The following RYR3 variants were observed in gnomAD, a reference collection of about 807,000 sequenced individuals.
RYR3 encodes the protein ryanodine receptor 3, also known as brain ryanodine receptor-calcium release channel.
In RYR3, 207 loss-of-function variants were observed where a neutral mutation model predicts 584.3. The ratio of observed to expected loss-of-function variants is 0.35; its 90% CI spans 0.32 to 0.40. The LOEUF (loss-of-function observed/expected upper bound fraction) is 0.40. Among genes scored for constraint, RYR3 ranks in the 10% least tolerant of loss-of-function variants. The pLI is 1.00. For missense variants in RYR3, 5,616 were observed against 6,089.2 expected (o/e 0.92, Z 2.59); for synonymous variants, 2,416 against 2,248.5 (o/e 1.07, Z -2.11).
At chr15:33,848,171 A>T in intron 93 of RYR3, 120 bp from the exon 94 acceptor site, 3 of 1,269,438 alleles carry the variant, frequency 2.4e-6, no homozygotes, top group Non-Finnish European at 1.1e-6. Context: ...GCACTCTAAG[A>T]ATTCCACTAT....
chr15:33,732,704 G>A (rs918520490), intron 48 of RYR3, among the ~76,000 whole-genome samples: 8 of 152,108 alleles, frequency 5.3e-5, no homozygotes, highest in Non-Finnish European at 7.4e-5. Context: ...GATGAGTTAC[G>A]AAATAAATAT....
At chr15:33,363,192 C>T (rs1335997346) in intron 1 of RYR3, among the ~76,000 whole-genome samples, 1 of 152,134 alleles carries the variant, frequency 6.6e-6, no homozygotes, top group South Asian at 2.1e-4. Context: ...AGGTAGGGTG[C>T]TCTTTTTCTC....
intron 1 of RYR3, among the ~76,000 whole-genome samples, chr15:33,389,762 C>T (rs896147944): frequency 2.6e-5 from 4 of 152,088 alleles, no homozygotes; most frequent in Non-Finnish European, 2.9e-5. Context: ...TGTGTGAAAT[C>T]GTGAATAATT....
intron 42 of RYR3, among the ~76,000 whole-genome samples, chr15:33,702,184 C>T (rs1056265731): frequency 1.3e-5 from 2 of 152,124 alleles, no homozygotes; most frequent in Non-Finnish European, 2.9e-5. Flanking sequence ...GAGCGCTGGG[C>T]TGTGGAGGCA....
At chr15:33,355,739 C>T (rs1051794433) in intron 1 of RYR3, among the ~76,000 whole-genome samples, 1 of 152,188 alleles carries the variant, frequency 6.6e-6, no homozygotes, top group Non-Finnish European at 1.5e-5. Context: ...AAGAAGATGG[C>T]TGCTTCTCAT....
chr15:33,840,680 C>T (rs527769840), intron 89 of RYR3, 145 bp from the exon 90 acceptor site: 1 of 700,988 alleles, frequency 1.4e-6, no homozygotes, highest in Non-Finnish European at 2.5e-6. Flanking sequence ...TATAGCAGGA[C>T]ACTTATGTTC....
At position 33,786,445 on chromosome 15, in the gene RYR3, T is replaced by C. The variant is rs376648755; in HGVS notation, c.9589+463T>C. The stretch of plus-strand genomic sequence containing the variant: ...TTTCACTCTGTGCTTTCTAAGACAC[T>C]GTCTCATGCGGGCTCACGGTAGTGG... On this transcript the variant is annotated intron_variant, in intron 66 of 103. Transcript: ENST00000634891. Among the ~76,000 whole-genome samples the C allele has an allele frequency of 6.6e-5, 10 of 152,234 alleles. No homozygotes were observed. The East Asian group carries it at 1.2e-3, about 18-fold the overall frequency.
chr15:33,331,271 G>T (rs1413076849), intron 1 of RYR3, among the ~76,000 whole-genome samples: 1 of 152,092 alleles, frequency 6.6e-6, no homozygotes, highest in East Asian at 1.9e-4. Context: ...TGTTCTTGAT[G>T]TCTCAGTACT....
At chr15:33,836,808 C>T (rs2078084062) in intron 87 of RYR3, 98 bp from the exon 88 acceptor site, 1 of 864,102 alleles carries the variant, frequency 1.2e-6, no homozygotes, top group South Asian at 1.6e-5. Flanking sequence ...CTGATGCAGC[C>T]TGCACCTAAC....
intron 40 of RYR3, among the ~76,000 whole-genome samples, chr15:33,699,420 GTCCACTCCCT>G (rs955655222): frequency 2.6e-5 from 4 of 151,026 alleles, no homozygotes; most frequent in African/African-American, 9.8e-5. Flanking sequence ...TCTGAATTCT[GTCCACTCCCT>G]TCCTACTTGG....
intron 5 of RYR3, among the ~76,000 whole-genome samples, chr15:33,536,888 A>G (rs1245336752): frequency 6.6e-6 from 1 of 152,198 alleles, no homozygotes; most frequent in Non-Finnish European, 1.5e-5. Context: ...TATTAAAACA[A>G]TGCTTTTTAA....
intron 18 of RYR3, among the ~76,000 whole-genome samples, chr15:33,608,277 G>T (rs2060004997): frequency 6.6e-6 from 1 of 152,166 alleles, no homozygotes; most frequent in Non-Finnish European, 1.5e-5. Context: ...GTGATTCCAA[G>T]GCCCCTCCAA....
chr15:33,602,144 A>G (rs2059694429), intron 17 of RYR3, among the ~76,000 whole-genome samples: 1 of 152,204 alleles, frequency 6.6e-6, no homozygotes, highest in East Asian at 1.9e-4. Context: ...CCTACACACT[A>G]ATCCACAATG....
At chr15:33,529,345 T>G (rs1213199079) in intron 3 of RYR3, among the ~76,000 whole-genome samples, 3 of 152,214 alleles carry the variant, frequency 2.0e-5, no homozygotes, top group Non-Finnish European at 4.4e-5. Context: ...AAATCATCTT[T>G]TTGACAGAGT....
chr15:33,335,222 T>C (rs1290860425), intron 1 of RYR3, among the ~76,000 whole-genome samples: 1 of 152,220 alleles, frequency 6.6e-6, no homozygotes, highest in African/African-American at 2.4e-5. Flanking sequence ...TAAAGACACA[T>C]GTATGTGTAT....
intron 1 of RYR3, among the ~76,000 whole-genome samples, chr15:33,385,331 C>T (rs2041512868): frequency 6.6e-6 from 1 of 152,094 alleles, no homozygotes; most frequent in African/African-American, 2.4e-5. Flanking sequence ...AATATGTTCT[C>T]TTTGCTAACA....
chr15:33,314,643 G>T (rs1326373068), intron 1 of RYR3, among the ~76,000 whole-genome samples: 1 of 152,196 alleles, frequency 6.6e-6, no homozygotes, highest in African/African-American at 2.4e-5. Context: ...AGCCAGGCGC[G>T]GTGGCTCACG....
intron 27 of RYR3, among the ~76,000 whole-genome samples, chr15:33,639,132 A>T (rs189834637): frequency 1.3e-5 from 2 of 152,150 alleles, no homozygotes; most frequent in Non-Finnish European, 2.9e-5. Context: ...GGGACATTTG[A>T]GCATAACCCG....
intron 52 of RYR3, among the ~76,000 whole-genome samples, chr15:33,742,745 G>A (rs1231057292): frequency 2.6e-5 from 4 of 152,088 alleles, no homozygotes; most frequent in African/African-American, 7.2e-5. Flanking sequence ...TGTGTTTGAC[G>A]TAAATGCTTA....
Sources: allele counts gnomAD v4.1 joint callset (sites outside exome capture counted in the v4.1 genomes callset), GRCh38; gene constraint gnomAD v4.1.1; transcripts MANE v1.5; gene names NCBI Gene and HGNC (gene_info 2026-07-23, HGNC 2026-07-21).